Variants in EIF2AK4 observed in about 807,000 individuals in gnomAD.
EIF2AK4 encodes the protein eukaryotic translation initiation factor 2 alpha kinase 4, also known as eIF-2-alpha kinase GCN2.
In EIF2AK4, 139 loss-of-function variants were observed where a neutral mutation model predicts 211.1. That is an observed-to-expected ratio of 0.66 (90% CI 0.57 to 0.76). EIF2AK4 has a LOEUF of 0.76. Ranked by LOEUF, EIF2AK4 falls within the 30% of genes least tolerant of loss-of-function variation. The pLI is 0.00. For synonymous variants in EIF2AK4, 710 were observed against 751.3 expected (o/e 0.94, Z 0.90); for missense variants, 1,664 against 2,043.8 (o/e 0.81, Z 3.58).
At chr15:40,020,805 T>A in intron 30 of EIF2AK4, 94 bp from the exon 31 acceptor site, 1 of 1,147,708 alleles carries the variant, frequency 8.7e-7, no homozygotes, top group Non-Finnish European at 1.2e-6. Flanking sequence ...AATGCCCATC[T>A]TCCCAAGAGT....
intron 9 of EIF2AK4, among the ~76,000 whole-genome samples, chr15:39,968,160 G>A (rs942565538): frequency 1.3e-5 from 2 of 152,172 alleles, no homozygotes; most frequent in African/African-American, 4.8e-5. Context: ...CAATAGAGAT[G>A]GTTATGGTGA....
intron 33 of EIF2AK4, among the ~76,000 whole-genome samples, chr15:40,027,706 C>T (rs1013731114): frequency 1.3e-5 from 2 of 152,092 alleles, no homozygotes; most frequent in South Asian, 2.1e-4. Context: ...CTGGCTAACA[C>T]GGTGAAACCC....
chr15:39,948,162 C>G (rs2034255290), intron 3 of EIF2AK4, among the ~76,000 whole-genome samples: 1 of 152,194 alleles, frequency 6.6e-6, no homozygotes, highest in African/African-American at 2.4e-5. Flanking sequence ...CATTTGCTCC[C>G]TGAGAGAAAG....
At chr15:39,984,537 G>T (rs1430926863) in intron 13 of EIF2AK4, among the ~76,000 whole-genome samples, 1 of 152,090 alleles carries the variant, frequency 6.6e-6, no homozygotes, top group Admixed American at 6.5e-5. Context: ...TTGAGCAGTG[G>T]TTTGTAGTTC....
At chr15:40,034,569 G>A in intron 38 of EIF2AK4, 125 bp downstream of exon 38, 1 of 710,820 alleles carries the variant, frequency 1.4e-6, no homozygotes, top group East Asian at 2.6e-5. Context: ...TAGAATTGCA[G>A]CTGACAACCA....
chr15:40,017,186 C>T lies in EIF2AK4; in HGVS notation c.4009C>T (p.Arg1337Ter), dbSNP rs770279669. The change falls in exon 29 of 39, where the codon CGA (arginine) becomes TGA (stop). Residue 1337 changes from arginine to a stop codon, truncating the protein, a stop_gained. Transcript: ENST00000263791. LOFTEE classifies it high-confidence loss of function. ...CTTCCAGTTTGTGGCTTTCATCAAA[C>T]GAAGGCAAAGGGCTGTACCTGAAAT... ...IIFQFVAFIK[R>*]RQRAVPEILA... 43 of 1,613,842 alleles carry T rather than the reference C, an allele frequency of 2.7e-5. No homozygotes were observed. Among genetic ancestry groups the T allele is most frequent in the Non-Finnish European group, 3.4e-5 (40 of 1,179,904 alleles).
At chr15:39,973,126 T>C in intron 10 of EIF2AK4, 112 bp downstream of exon 10, 1 of 881,026 alleles carries the variant, frequency 1.1e-6, no homozygotes, top group Non-Finnish European at 1.8e-6. Flanking sequence ...ATGTCTTTTA[T>C]TCTGAACTAA....
chr15:39,966,456 A>G (rs915651178), intron 8 of EIF2AK4, among the ~76,000 whole-genome samples: 1 of 150,834 alleles, frequency 6.6e-6, no homozygotes, highest in Non-Finnish European at 1.5e-5. Context: ...AGCTGTGTTC[A>G]TGCCACTGAA....
intron 16 of EIF2AK4, chr15:39,991,169 A>C (rs533773925): frequency 1.4e-4 from 21 of 152,506 alleles, no homozygotes; most frequent in Non-Finnish European, 2.9e-4. Flanking sequence ...GATTTGAGTT[A>C]ATGGTGAGAA....
chr15:40,034,603 TCA>T (rs1342377613), intron 38 of EIF2AK4, among the ~76,000 whole-genome samples, 159 bp downstream of exon 38: 3 of 152,264 alleles, frequency 2.0e-5, no homozygotes, highest in South Asian at 2.1e-4. Flanking sequence ...GGACTGTGAA[TCA>T]CAGTCATGAT....
intron 31 of EIF2AK4, 181 bp from the exon 32 acceptor site, chr15:40,022,338 C>A: frequency 1.8e-6 from 1 of 553,494 alleles, no homozygotes; most frequent in Non-Finnish European, 3.2e-6. Context: ...GCAAGAGAGG[C>A]CTTGTTCCTC....
chr15:39,960,654 A>G (rs2034458427), intron 6 of EIF2AK4, among the ~76,000 whole-genome samples: 1 of 151,984 alleles, frequency 6.6e-6, no homozygotes, highest in Admixed American at 6.6e-5. Flanking sequence ...AGGGGAATGT[A>G]TGGATCAGAG....
At chr15:39,985,779 G>A (rs761253474) in intron 13 of EIF2AK4, 26 bp from the exon 14 acceptor site, 1 of 1,613,110 alleles carries the variant, frequency 6.2e-7, no homozygotes, top group East Asian at 2.2e-5. Flanking sequence ...TCCATTTTGA[G>A]TTATTGTGTG....
chr15:39,985,996 A>G, intron 14 of EIF2AK4, 108 bp downstream of exon 14: 1 of 863,458 alleles, frequency 1.2e-6, no homozygotes, highest in African/African-American at 1.7e-5. Flanking sequence ...GCTTATTGCC[A>G]CTACCAAAGA....
chr15:40,029,552 G>A, intron 34 of EIF2AK4, 88 bp downstream of exon 34: 6 of 1,340,714 alleles, frequency 4.5e-6, no homozygotes, highest in Admixed American at 2.2e-5. Flanking sequence ...TTGTGACACT[G>A]GAAATCTATT....
intron 13 of EIF2AK4, among the ~76,000 whole-genome samples, chr15:39,985,350 G>A (rs1483372585): frequency 6.6e-6 from 1 of 152,128 alleles, no homozygotes; most frequent in Admixed American, 6.5e-5. Flanking sequence ...TTGGTATCAG[G>A]ATGATGCTGG....
intron 23 of EIF2AK4, 151 bp downstream of exon 23, chr15:40,003,465 A>T (rs1232416147): frequency 1.6e-6 from 2 of 1,270,226 alleles, no homozygotes; most frequent in Non-Finnish European, 2.1e-6. Context: ...TGAGAGTGTT[A>T]CTGGGGTGGA....
At chr15:40,001,270 A>C in intron 21 of EIF2AK4, 46 bp downstream of exon 21, 1 of 1,583,978 alleles carries the variant, frequency 6.3e-7, no homozygotes, top group Non-Finnish European at 8.6e-7. Context: ...CCTTGTCCAC[A>C]AAAGGATCAA....
chr15:39,975,237 T>A (rs1261039885), intron 11 of EIF2AK4: 2 of 45,636 alleles, frequency 4.4e-5, no homozygotes, highest in African/African-American at 1.6e-4. Context: ...GTTATGTCCT[T>A]TGCCTGAGAT....
Sources: gnomAD v4.1 joint callset for allele counts (sites outside exome capture counted in the v4.1 genomes callset) on GRCh38, gnomAD v4.1.1 for gene constraint, MANE v1.5 for transcripts, NCBI Gene and HGNC (gene_info 2026-07-23, HGNC 2026-07-21) for gene names.